PCDHA8: variants seen among roughly 807,000 people sequenced by gnomAD.
PCDHA8 encodes protocadherin alpha 8.
A neutral mutation model predicts 61.8 loss-of-function variants in PCDHA8; 53 were observed. The observed-to-expected ratio is 0.86, with a 90% CI of 0.69 to 1.08. PCDHA8 has a LOEUF of 1.08. PCDHA8 is among the 50% of genes least tolerant of loss of function. The pLI is 0.00. For missense variants in PCDHA8, 1,293 were observed against 1,245.0 expected (o/e 1.04, Z -0.58); for synonymous variants, 618 against 556.6 (o/e 1.11, Z -1.55).
chr5:140,850,353 A>G, intron 1 of PCDHA8: 1 of 1,597,852 alleles, frequency 6.3e-7, no homozygotes, highest in Non-Finnish European at 8.6e-7. Context: ...CAGCGCGAGC[A>G]TCCCGTTCCG....
chr5:140,890,760 A>C (rs939413448), intron 1 of PCDHA8, among the ~76,000 whole-genome samples: 2 of 152,188 alleles, frequency 1.3e-5, no homozygotes, highest in Non-Finnish European at 2.9e-5. Flanking sequence ...ATGCTTTAAA[A>C]ATATTTTAAA....
At chr5:140,850,395 A>G in intron 1 of PCDHA8, 3 of 1,597,894 alleles carry the variant, frequency 1.9e-6, no homozygotes, top group Non-Finnish European at 1.7e-6. Context: ...GATCAGCACA[A>G]CGCGTGCCCT....
chr5:140,923,256 TAGTG>T (rs2153568044), intron 1 of PCDHA8, among the ~76,000 whole-genome samples: 1 of 152,302 alleles, frequency 6.6e-6, no homozygotes, highest in African/African-American at 2.4e-5. Context: ...CTGGGCAACA[TAGTG>T]AGACCTTGTC....
intron 1 of PCDHA8, among the ~76,000 whole-genome samples, chr5:140,874,496 T>G (rs1352627184): frequency 3.9e-5 from 6 of 152,214 alleles, no homozygotes; most frequent in African/African-American, 1.4e-4. Context: ...TGATATCAAG[T>G]TCACATTCTC....
chr5:140,857,428 G>A lies in PCDHA8; in HGVS notation c.2394+13713G>A, dbSNP rs782142394. On this transcript the variant is annotated intron_variant, in intron 1 of 3. Coordinates refer to ENST00000531613, the MANE Select transcript of PCDHA8 (RefSeq NM_018911.3). ...CTGCGTTCGCGCAGTCCGAGTACACGGTGTTCGTGAAGGAGAACAACCCGC... is the reference window on the plus strand; with the variant it reads ...CTGCGTTCGCGCAGTCCGAGTACACAGTGTTCGTGAAGGAGAACAACCCGC... The A allele has an allele frequency of 3.8e-6, 6 of 1,598,456 alleles. 1 individual carries two copies. Among genetic ancestry groups the A allele is most frequent in the Non-Finnish European group, 5.1e-6 (6 of 1,167,860 alleles).
chr5:140,860,407 G>C (rs2046379214), intron 1 of PCDHA8: 1 of 151,974 alleles, frequency 6.6e-6, no homozygotes, highest in African/African-American at 2.4e-5. Flanking sequence ...AAAAGCAATA[G>C]TAACACCATT....
rs781982439 is a variant in PCDHA8, at chr5:140,967,345, C to G, written c.2395-11604C>G. 3 of 1,607,752 alleles carry G rather than the reference C, an allele frequency of 1.9e-6. No homozygotes were observed. The South Asian group carries it at 3.3e-5, about 18-fold the overall frequency. On this transcript the variant is annotated intron_variant, in intron 1 of 3. Coordinates refer to ENST00000531613, the MANE Select transcript of PCDHA8 (RefSeq NM_018911.3). ...ACGAGCTCAGCCCCAGCGAGCACTT[C>G]GAGCTGGACCTTAAGCCCCTGCAGG...
In PCDHA8 at chr5:140,849,851, A is replaced by G. The variant is rs148732691; in HGVS notation, c.2394+6136A>G. 6 of 1,598,254 alleles carry G rather than the reference A, an allele frequency of 3.8e-6. 1 individual carries two copies. The highest frequency in any genetic ancestry group is 2.2e-5 in the East Asian group (1 of 44,844). On this transcript the variant is annotated intron_variant, in intron 1 of 3. Coordinates refer to ENST00000531613, the MANE Select transcript of PCDHA8 (RefSeq NM_018911.3). ...AGGTGGCCGACGTGAACGACAACGC[A>G]CCAGCGTTCGCGCAGTCCGAGTACA...
chr5:140,928,231 C>T (rs2085058715), intron 1 of PCDHA8: 2 of 1,614,108 alleles, frequency 1.2e-6, no homozygotes, highest in South Asian at 2.2e-5. Context: ...AAACTTTCCT[C>T]AACCCCAGCA....
intron 1 of PCDHA8, chr5:140,857,557 G>A: frequency 6.3e-7 from 1 of 1,596,936 alleles, no homozygotes; most frequent in Non-Finnish European, 8.6e-7. Flanking sequence ...AGCGCTCGCT[G>A]TCGAGCTACG....
intron 1 of PCDHA8, chr5:140,876,998 C>T: frequency 6.2e-7 from 1 of 1,612,502 alleles, no homozygotes; most frequent in South Asian, 1.1e-5. Flanking sequence ...AGCTACGTGT[C>T]GGTGCACGCG....
At chr5:140,844,257 G>C (rs1328189428) in intron 1 of PCDHA8, among the ~76,000 whole-genome samples, 7 of 149,406 alleles carry the variant, frequency 4.7e-5, no homozygotes, top group African/African-American at 1.7e-4. Context: ...AAGCAGTGTA[G>C]TGATAAAATA....
intron 1 of PCDHA8, chr5:140,862,974 T>G: frequency 1.8e-6 from 1 of 545,638 alleles, no homozygotes; most frequent in Non-Finnish European, 3.6e-6. Flanking sequence ...GCAGGCCACT[T>G]GGTGGCGAAG....
intron 1 of PCDHA8, among the ~76,000 whole-genome samples, chr5:140,936,326 AT>A: frequency 6.6e-6 from 1 of 152,256 alleles, no homozygotes; most frequent in South Asian, 2.1e-4. Flanking sequence ...CATGCTATAA[AT>A]TTTCTCTATC....
intron 1 of PCDHA8, among the ~76,000 whole-genome samples, chr5:140,955,262 C>CT (rs1165777806): frequency 1.3e-5 from 2 of 152,044 alleles, no homozygotes; most frequent in African/African-American, 2.4e-5. Flanking sequence ...TATAAAGGCT[C>CT]TTTTTTGGTT....
intron 1 of PCDHA8, among the ~76,000 whole-genome samples, chr5:140,894,883 A>ACC (rs1407725642): frequency 6.6e-6 from 1 of 152,200 alleles, no homozygotes; most frequent in African/African-American, 2.4e-5. Flanking sequence ...TTTAGAAGAA[A>ACC]CAGACCAGGA....
intron 1 of PCDHA8, among the ~76,000 whole-genome samples, chr5:140,846,287 T>G (rs1554141208): frequency 6.7e-6 from 1 of 149,424 alleles, no homozygotes; most frequent in East Asian, 1.9e-4. Flanking sequence ...ATGTTGTAGT[T>G]CTATGAATTA....
rs1367500775 is a variant in PCDHA8, at chr5:140,929,192, A to G, written c.2395-49757A>G. ...TCTCTGGGACTTGGTTCTGATAATA[A>G]CAGTTTGCTGTTGCGTGGGGAGTAC... On this transcript the variant is annotated intron_variant, in intron 1 of 3. Transcript: ENST00000531613. The G allele has an allele frequency of 8.1e-6, 13 of 1,614,124 alleles. 1 individual carries two copies. The highest frequency in any genetic ancestry group is 1.0e-5 in the Non-Finnish European group (12 of 1,180,018).
chr5:140,848,596 C>T (rs2150413733), intron 1 of PCDHA8: 2 of 1,594,204 alleles, frequency 1.3e-6, no homozygotes, highest in East Asian at 2.2e-5. Flanking sequence ...CTCCACTACT[C>T]CGTCCCGGAG....
Sources: gnomAD v4.1 joint callset for allele counts (sites outside exome capture counted in the v4.1 genomes callset) on GRCh38, gnomAD v4.1.1 for gene constraint, MANE v1.5 for transcripts, NCBI Gene and HGNC (gene_info 2026-07-23, HGNC 2026-07-21) for gene names.